Variants in DIP2C observed in about 807,000 individuals in gnomAD.
DIP2C encodes DIP2 acetate--CoA ligase C (putative), also known as disco-interacting protein 2 homolog C.
A neutral mutation model predicts 192.4 loss-of-function variants in DIP2C; 33 were observed. That is an observed-to-expected ratio of 0.17 (90% CI 0.13 to 0.23). The LOEUF is 0.23. DIP2C is among the 10% of genes least tolerant of loss of function. DIP2C has a pLI of 1.00. For synonymous variants in DIP2C, 979 were observed against 864.1 expected, an observed-to-expected ratio of 1.13 and a Z score of -2.33; for missense variants, 1,537 against 2,110.1, an observed-to-expected ratio of 0.73 and a Z score of 5.32.
Position 349,455 on chromosome 10 carries a change from C to A in DIP2C, c.2986-1G>T, listed in dbSNP as rs1386286811. 1 of 1,599,938 alleles carries A rather than the reference C, an allele frequency of 6.3e-7. No individual in the cohort carries two copies. Among genetic ancestry groups the A allele is most frequent in the Non-Finnish European group, 8.5e-7 (1 of 1,172,628 alleles). On this transcript the variant is annotated splice_acceptor_variant, in intron 24 of 36. Transcript: ENST00000280886. LOFTEE classifies it high-confidence loss of function. ...AGGTCAGCGAGTTCGCTATCGCACC[C>A]TGCGGGCCGATCACAGGGACAAGCA...
intron 29 of DIP2C, among the ~76,000 whole-genome samples, chr10:336,148 A>G (rs1429176478): frequency 1.3e-5 from 2 of 152,184 alleles, no homozygotes; most frequent in Non-Finnish European, 2.9e-5. Context: ...GTGGGAGGAT[A>G]GCTTGAGCCC....
intron 1 of DIP2C, among the ~76,000 whole-genome samples, chr10:582,760 T>C (rs1850747631): frequency 6.6e-6 from 1 of 152,158 alleles, no homozygotes; most frequent in African/African-American, 2.4e-5. Flanking sequence ...CGTGGCCACG[T>C]GGCCGGCCTC....
chr10:432,484 T>C (rs2133223150), intron 4 of DIP2C, among the ~76,000 whole-genome samples: 1 of 152,316 alleles, frequency 6.6e-6, no homozygotes, highest in South Asian at 2.1e-4. Context: ...TTTTTCATAA[T>C]ATTTATTATC....
intron 3 of DIP2C, among the ~76,000 whole-genome samples, chr10:457,734 T>G (rs1046909052): frequency 6.9e-6 from 1 of 145,646 alleles, no homozygotes; most frequent in African/African-American, 2.8e-5. Flanking sequence ...TCTTTCATCG[T>G]TTGTAGAGAT....
At chr10:522,399 C>T (rs142438417) in intron 1 of DIP2C, among the ~76,000 whole-genome samples, 4 of 152,320 alleles carry the variant, frequency 2.6e-5, no homozygotes, top group Admixed American at 6.5e-5. Context: ...TGCAGATTTC[C>T]GCATGGAAGT....
At chr10:435,439 C>A (rs1303159976) in intron 4 of DIP2C, among the ~76,000 whole-genome samples, 1 of 152,234 alleles carries the variant, frequency 6.6e-6, no homozygotes, top group Non-Finnish European at 1.5e-5. Context: ...AAAATCATGG[C>A]CCTGTATGCA....
intron 1 of DIP2C, among the ~76,000 whole-genome samples, chr10:638,889 C>T (rs1013806971): frequency 1.3e-5 from 2 of 152,216 alleles, no homozygotes; most frequent in African/African-American, 4.8e-5. Flanking sequence ...GCCTCCGGGC[C>T]CTTTTGCAAA....
chr10:553,801 CTG>C (rs1185362851), intron 1 of DIP2C, among the ~76,000 whole-genome samples: 12 of 151,582 alleles, frequency 7.9e-5, no homozygotes, highest in African/African-American at 2.2e-4. Context: ...CCGCTTGTAA[CTG>C]TAAGAGTGGC....
intron 4 of DIP2C, among the ~76,000 whole-genome samples, chr10:423,365 G>A (rs901172944): frequency 4.6e-5 from 7 of 152,226 alleles, no homozygotes; most frequent in African/African-American, 1.7e-4. Context: ...GAGAGAACAA[G>A]GGCCGCGTTT....
intron 1 of DIP2C, among the ~76,000 whole-genome samples, chr10:507,732 T>C (rs1349212033): frequency 6.6e-6 from 1 of 152,182 alleles, no homozygotes; most frequent in Non-Finnish European, 1.5e-5. Context: ...CTTTCAGTAC[T>C]GACGATTGAA....
At chr10:630,855 G>A (rs1448715292) in intron 1 of DIP2C, 1 of 152,308 alleles carries the variant, frequency 6.6e-6, no homozygotes, top group Non-Finnish European at 1.5e-5. Context: ...ATCTCCCTGA[G>A]ACCCGTCTGG....
At chr10:628,390 A>G (rs1854317387) in intron 1 of DIP2C, among the ~76,000 whole-genome samples, 1 of 152,188 alleles carries the variant, frequency 6.6e-6, no homozygotes, top group Non-Finnish European at 1.5e-5. Context: ...AAATACCCCA[A>G]TCAAGCATGT....
intron 1 of DIP2C, among the ~76,000 whole-genome samples, chr10:609,398 A>G (rs1258243304): frequency 6.6e-6 from 1 of 152,204 alleles, no homozygotes; most frequent in Non-Finnish European, 1.5e-5. Flanking sequence ...TTCACTTACA[A>G]TCTATCAAAC....
rs549809215 is a variant in DIP2C at position 526,810 on chromosome 10, G to A, written c.86-40280C>T. 2.0e-5 allele frequency among the ~76,000 whole-genome samples: 3 copies of A among 152,312 alleles called. No individual in the cohort carries two copies. In the South Asian group the frequency reaches 6.2e-4, roughly 32 times the overall value. On this transcript the variant is annotated intron_variant, in intron 1 of 36. Transcript: ENST00000280886. Reference sequence around the variant, plus strand: ...GCCTCTTCTTTCCTCCGTCCCGCCAGCACCATCTTCTCCCAGGGAACTGGT... The same window carrying A: ...GCCTCTTCTTTCCTCCGTCCCGCCAACACCATCTTCTCCCAGGGAACTGGT...
intron 1 of DIP2C, among the ~76,000 whole-genome samples, chr10:573,813 G>A (rs534778055): frequency 4.9e-4 from 74 of 152,030 alleles, no homozygotes; most frequent in African/African-American, 1.7e-3. Context: ...CCATTAACAC[G>A]TTTTACACAT....
chr10:455,326 G>A (rs1026314645), intron 3 of DIP2C, among the ~76,000 whole-genome samples: 10 of 144,136 alleles, frequency 6.9e-5, no homozygotes, highest in Admixed American at 2.1e-4. Context: ...CCTGAGGGGA[G>A]ACCGTGAGGA....
chr10:355,396 T>C (rs1959033872), intron 24 of DIP2C, among the ~76,000 whole-genome samples: 1 of 152,202 alleles, frequency 6.6e-6, no homozygotes, highest in Admixed American at 6.5e-5. Flanking sequence ...CGGGGAATAA[T>C]TTCGTGATGC....
intron 9 of DIP2C, 79 bp downstream of exon 9, chr10:408,847 C>G: frequency 7.0e-7 from 1 of 1,429,848 alleles, no homozygotes; most frequent in Non-Finnish European, 9.7e-7. Flanking sequence ...GCGCTGAACT[C>G]TGTAATGTTT....
intron 29 of DIP2C, among the ~76,000 whole-genome samples, chr10:333,943 T>G (rs770510438): frequency 2.0e-5 from 3 of 151,998 alleles, no homozygotes; most frequent in Non-Finnish European, 2.9e-5. Context: ...TTTGTATGTC[T>G]TCTTCTGGTG....
Sources: gnomAD v4.1 joint callset for allele counts (sites outside exome capture counted in the v4.1 genomes callset) on GRCh38, gnomAD v4.1.1 for gene constraint, MANE v1.5 for transcripts, NCBI Gene and HGNC (gene_info 2026-07-23, HGNC 2026-07-21) for gene names.